NFAT5: variants seen among roughly 807,000 people sequenced by gnomAD.
The protein encoded by NFAT5 is nuclear factor of activated T-cells 5.
Under a neutral mutation model 166.5 loss-of-function variants are expected in NFAT5, and 31 were observed. The ratio of observed to expected loss-of-function variants is 0.19; its 90% CI spans 0.14 to 0.25. The LOEUF (loss-of-function observed/expected upper bound fraction) is 0.25, where lower values mean the gene tolerates loss of function less well. Ranked by LOEUF, NFAT5 falls within the 10% of genes least tolerant of loss-of-function variation. The pLI is 1.00. For synonymous variants in NFAT5, 612 were observed against 639.7 expected, an observed-to-expected ratio of 0.96 and a Z score of 0.65; for missense variants, 1,449 against 1,821.8, an observed-to-expected ratio of 0.80 and a Z score of 3.72.
chr16:69,622,002 GCT>G (rs2034222756), intron 2 of NFAT5, among the ~76,000 whole-genome samples: 2 of 152,132 alleles, frequency 1.3e-5, no homozygotes, highest in South Asian at 4.1e-4. Flanking sequence ...AAGTGCATAT[GCT>G]CTTATTCAGG....
At chr16:69,598,740 G>A (rs1446588233) in intron 2 of NFAT5, among the ~76,000 whole-genome samples, 3 of 152,078 alleles carry the variant, frequency 2.0e-5, no homozygotes, top group South Asian at 2.1e-4. Flanking sequence ...AAATGTCAGC[G>A]TAGGCCGGGC....
At chr16:69,632,220 C>G (rs1477573291) in intron 3 of NFAT5, 1 of 152,158 alleles carries the variant, frequency 6.6e-6, no homozygotes, top group Non-Finnish European at 1.5e-5. Context: ...ATATGTTACT[C>G]CTCCTGTAGG....
At chr16:69,658,288 G>A (rs779791181) in intron 6 of NFAT5, among the ~76,000 whole-genome samples, 1 of 151,712 alleles carries the variant, frequency 6.6e-6, no homozygotes, top group Non-Finnish European at 1.5e-5. Flanking sequence ...TTTGAGACCA[G>A]CCTGGCCAAC....
At chr16:69,585,785 TTAAAA>T (rs2032019554) in intron 2 of NFAT5, among the ~76,000 whole-genome samples, 1 of 152,134 alleles carries the variant, frequency 6.6e-6, no homozygotes, top group African/African-American at 2.4e-5. Flanking sequence ...CATGAGATAC[TTAAAA>T]TAGGCAGAGA....
chr16:69,682,377 G>A (rs9921442), intron 10 of NFAT5, among the ~76,000 whole-genome samples: 188 of 151,438 alleles, frequency 1.2e-3, no homozygotes, highest in Middle Eastern at 6.8e-3. Context: ...GGAGGCCAAG[G>A]CAAGAGGATC....
At position 69,647,057 on chromosome 16, in the gene NFAT5, A is replaced by C; in HGVS notation, c.283A>C (p.Met95Leu). The stretch of plus-strand genomic sequence containing the variant: ...TTCTTCAGCTCCCTCCTCTTCCTCC[A>C]TGGGCGGTGCTTGCAGCTCCTTTAC... ...DASSAPSSSS[M>L]GGACSSFTTS... Residue 95 changes from methionine to leucine, a missense_variant, in exon 4 of 15, where the codon ATG becomes CTG. Met to Leu is a conservative substitution (Grantham distance 15). This residue lies in a region of NFAT5 where 172 missense variants were observed against 194.5 expected (regional missense o/e 0.88). Coordinates refer to ENST00000349945, the MANE Select transcript of NFAT5 (RefSeq NM_138713.4). The surrounding 1 kb of genome is among the most constrained non-coding windows in gnomAD (Gnocchi z 4.8). 1.9e-6 allele frequency: 3 copies of C among 1,596,838 alleles called. No individual in the cohort carries two copies. The highest frequency in any genetic ancestry group is 2.6e-6 in the Non-Finnish European group (3 of 1,169,054).
chr16:69,694,475 G>T (rs1356958624), intron 13 of NFAT5, among the ~76,000 whole-genome samples: 1 of 152,094 alleles, frequency 6.6e-6, no homozygotes, highest in Non-Finnish European at 1.5e-5. Context: ...GGCTGGTGTT[G>T]AATTTTTGAC....
At chr16:69,589,685 A>G (rs943942388) in intron 2 of NFAT5, among the ~76,000 whole-genome samples, 12 of 152,230 alleles carry the variant, frequency 7.9e-5, no homozygotes, top group African/African-American at 2.7e-4. Flanking sequence ...TCTTTAAGAT[A>G]TGGCTCTTGA....
At chr16:69,611,746 C>T (rs2033712162) in intron 2 of NFAT5, among the ~76,000 whole-genome samples, 2 of 152,214 alleles carry the variant, frequency 1.3e-5, no homozygotes, top group South Asian at 4.1e-4. Flanking sequence ...TGACTTACTT[C>T]CTAAAAGGCC....
intron 3 of NFAT5, among the ~76,000 whole-genome samples, chr16:69,633,906 C>T (rs959563953): frequency 2.0e-5 from 3 of 151,920 alleles, no homozygotes; most frequent in Non-Finnish European, 4.4e-5. Flanking sequence ...GATTTCTGTA[C>T]ATTATATGTA....
At chr16:69,678,886 A>C (rs193091862) in intron 10 of NFAT5, among the ~76,000 whole-genome samples, 1 of 152,360 alleles carries the variant, frequency 6.6e-6, no homozygotes, top group East Asian at 1.9e-4. Context: ...ATAACAACTA[A>C]TTTAAGTTAA....
chr16:69,699,814 T>TTCTCTCTC lies in NFAT5; in HGVS notation c.*3479_*3486dup, dbSNP rs375008893. ...ACATTAATGCTTGGAGCTTATCTCT[T>TTCTCTCTC]TCTCTCTCTCTCTCTCTCTCTCTGT... On this transcript the variant is annotated 3_prime_UTR_variant, in exon 15 of 15. Coordinates refer to ENST00000349945, the MANE Select transcript of NFAT5 (RefSeq NM_138713.4). The TTCTCTCTC allele has an allele frequency of 2.7e-5, 4 of 148,516 alleles. No homozygotes were observed. The highest frequency in any genetic ancestry group is 6.0e-5 in the Non-Finnish European group (4 of 66,714). The allele number at this position is 148,516 out of a possible 1,614,324, so 9.2% of individuals were successfully genotyped here.
At chr16:69,624,970 G>A (rs1252253361) in intron 2 of NFAT5, among the ~76,000 whole-genome samples, 1 of 151,770 alleles carries the variant, frequency 6.6e-6, no homozygotes, top group Non-Finnish European at 1.5e-5. Flanking sequence ...CGCGATCTTG[G>A]CTCACTGCAG....
At chr16:69,596,201 A>G (rs2032779411) in intron 2 of NFAT5, among the ~76,000 whole-genome samples, 1 of 152,206 alleles carries the variant, frequency 6.6e-6, no homozygotes, top group African/African-American at 2.4e-5. Context: ...ACATGTTATG[A>G]TAACAGGATT....
Position 69,702,564 on chromosome 16 carries a change from A to G in NFAT5, c.*6213A>G, listed in dbSNP as rs1401554289. On this transcript the variant is annotated 3_prime_UTR_variant, in exon 15 of 15. Coordinates refer to ENST00000349945, the MANE Select transcript of NFAT5 (RefSeq NM_138713.4). ...TATGGTTCTCAGCCCACCAGCTAGTATCAGTATCACCTGGGAACTAGTTAG... is the reference window on the plus strand; with the variant it reads ...TATGGTTCTCAGCCCACCAGCTAGTGTCAGTATCACCTGGGAACTAGTTAG... 1 of 152,240 alleles carries G rather than the reference A, an allele frequency of 6.6e-6. No homozygotes were observed. Among genetic ancestry groups the G allele is most frequent in the Non-Finnish European group, 1.5e-5 (1 of 68,034 alleles). The allele number at this position is 152,240 out of a possible 1,614,324, so 9.4% of individuals were successfully genotyped here.
intron 3 of NFAT5, among the ~76,000 whole-genome samples, chr16:69,640,518 G>T (rs914774398): frequency 2.6e-5 from 4 of 152,126 alleles, no homozygotes; most frequent in African/African-American, 9.7e-5. Context: ...ATGAGTGTTG[G>T]CCTTACAGCT....
intron 3 of NFAT5, among the ~76,000 whole-genome samples, chr16:69,644,206 G>T (rs1485352967): frequency 6.6e-6 from 1 of 151,760 alleles, no homozygotes; most frequent in African/African-American, 2.4e-5. Context: ...GATTGCTTGA[G>T]CCCAGGAGAT....
chr16:69,569,219 A>G (rs758924155), intron 2 of NFAT5, among the ~76,000 whole-genome samples: 3 of 151,858 alleles, frequency 2.0e-5, no homozygotes, highest in Non-Finnish European at 4.4e-5. Flanking sequence ...TTTTGAAGTG[A>G]TTTCACATAT....
intron 11 of NFAT5, chr16:69,685,758 A>G (rs1426611898): frequency 2.0e-5 from 3 of 152,350 alleles, no homozygotes; most frequent in Non-Finnish European, 4.4e-5. Context: ...CAAAAAAATT[A>G]AAACAGGCCA....
Sources: gnomAD v4.1 joint callset for allele counts (sites outside exome capture counted in the v4.1 genomes callset) on GRCh38, gnomAD v4.1.1 for gene constraint, gnomAD v4.1.1 regional missense constraint, Gnocchi (gnomAD v3.1) non-coding constraint, MANE v1.5 for transcripts, NCBI Gene and HGNC (gene_info 2026-07-23, HGNC 2026-07-21) for gene names.